The following LANCL2 variants were observed in gnomAD, a reference collection of about 807,000 sequenced individuals.
The protein encoded by LANCL2 is lanC-like protein 2.
LANCL2 carries 33 observed loss-of-function variants against 56.9 expected under a neutral mutation model. That is an observed-to-expected ratio of 0.58 (90% CI 0.44 to 0.78). The LOEUF is 0.78. Ranked by LOEUF, LANCL2 falls within the 30% of genes least tolerant of loss-of-function variation. The pLI is 0.00. For missense variants in LANCL2, 562 were observed against 580.2 expected (o/e 0.97, Z 0.32); for synonymous variants, 233 against 228.2 (o/e 1.02, Z -0.19).
intron 5 of LANCL2, among the ~76,000 whole-genome samples, chr7:55,406,104 C>T (rs902983028): frequency 2.0e-5 from 3 of 152,082 alleles, no homozygotes; most frequent in Admixed American, 1.3e-4. Flanking sequence ...TATGCCAAGC[C>T]AGGTGGCCGA....
chr7:55,393,398 G>A (rs772391379), intron 2 of LANCL2, among the ~76,000 whole-genome samples: 2 of 152,168 alleles, frequency 1.3e-5, no homozygotes, highest in Non-Finnish European at 2.9e-5. Flanking sequence ...TGGGCATAGT[G>A]GCATGGGCCT....
At chr7:55,369,408 G>A (rs1196242968) in intron 1 of LANCL2, among the ~76,000 whole-genome samples, 1 of 152,154 alleles carries the variant, frequency 6.6e-6, no homozygotes, top group African/African-American at 2.4e-5. Context: ...GGTGTGATCA[G>A]TCAATAAAAT....
chr7:55,386,634 G>A (rs539295618), intron 1 of LANCL2, among the ~76,000 whole-genome samples: 8 of 152,246 alleles, frequency 5.3e-5, no homozygotes, highest in Admixed American at 1.3e-4. Context: ...TAGCTTATCC[G>A]GCTTTTTTTT....
rs567212120 is a variant in LANCL2, at chr7:55,387,542, T to G, written c.205-4251T>G. On this transcript the variant is annotated intron_variant, in intron 1 of 8. Transcript: ENST00000254770. ...TATATGCTTCTGAGTTTTTTTTGGT[T>G]TTTTTTTTTTTTAGAAACTTTTATA... Among the ~76,000 whole-genome samples, 334 of 148,020 alleles carry G rather than the reference T, an allele frequency of 2.3e-3. 13 individuals carry two copies. Among genetic ancestry groups the G allele is most frequent in the Admixed American group, 0.022 (328 of 14,850 alleles).
chr7:55,394,069 T>C (rs755913514), intron 2 of LANCL2: 1 of 152,196 alleles, frequency 6.6e-6, no homozygotes, highest in African/African-American at 2.4e-5. Context: ...GAAACCACAG[T>C]TCTCAGCCTC....
At chr7:55,400,454 A>C (rs1790308650) in intron 4 of LANCL2, among the ~76,000 whole-genome samples, 1 of 152,208 alleles carries the variant, frequency 6.6e-6, no homozygotes, top group African/African-American at 2.4e-5. Flanking sequence ...TCCTAGGGGC[A>C]TACCCTTATT....
At position 55,381,317 on chromosome 7, in the gene LANCL2, C is replaced by T. The variant is rs181113607; in HGVS notation, c.205-10476C>T. Among the ~76,000 whole-genome samples the T allele has an allele frequency of 1.9e-4, 29 of 152,182 alleles. No individual in the cohort carries two copies. The East Asian group carries it at 5.6e-3, about 29-fold the overall frequency. ...TTGCCTATGGCAAAATCACATTTTC[C>T]GGGAACCAGAAATCTAAGATGGGAT... On this transcript the variant is annotated intron_variant, in intron 1 of 8. Transcript: ENST00000254770.
chr7:55,418,248 C>G (rs894446593), intron 6 of LANCL2, among the ~76,000 whole-genome samples: 4 of 149,982 alleles, frequency 2.7e-5, no homozygotes, highest in Non-Finnish European at 4.4e-5. Context: ...GTGGTGTGAT[C>G]ACGGCTCACT....
intron 1 of LANCL2, among the ~76,000 whole-genome samples, chr7:55,391,285 T>A (rs551753033): frequency 6.6e-6 from 1 of 152,304 alleles, no homozygotes; most frequent in South Asian, 2.1e-4. Context: ...CCCAAAGTGC[T>A]GGGATTACAG....
intron 5 of LANCL2, 118 bp downstream of exon 5, chr7:55,401,438 C>G: frequency 3.2e-6 from 2 of 628,548 alleles, no homozygotes; most frequent in Non-Finnish European, 4.9e-6. Flanking sequence ...ATCGCTGATG[C>G]GTAACTCTGC....
chr7:55,373,958 T>C (rs1789973600), intron 1 of LANCL2, among the ~76,000 whole-genome samples: 1 of 152,250 alleles, frequency 6.6e-6, no homozygotes. Context: ...GAGTTTCTTT[T>C]TCAGAAAATG....
Position 55,401,168 on chromosome 7 carries a change from CTG to C in LANCL2, c.679-4_679-3del. On this transcript the variant is annotated splice_polypyrimidine_tract_variant and splice_region_variant and intron_variant, in intron 4 of 8. Transcript: ENST00000254770. Reference sequence around the variant, plus strand: ...TTAGATTTATGCTGTCTTGTTATCTCTGTAGGTAGTCAATGCTATTATTGAAT... The same window carrying C: ...TTAGATTTATGCTGTCTTGTTATCTCTAGGTAGTCAATGCTATTATTGAAT... 6.2e-7 allele frequency: 1 copy of C among 1,613,440 alleles called. No homozygotes were observed. Among genetic ancestry groups the C allele is most frequent in the Non-Finnish European group, 8.5e-7 (1 of 1,179,512 alleles).
intron 1 of LANCL2, among the ~76,000 whole-genome samples, chr7:55,375,204 GTTAA>G (rs1789987451): frequency 6.6e-6 from 1 of 152,142 alleles, no homozygotes; most frequent in Non-Finnish European, 1.5e-5. Context: ...TTTTTTACAA[GTTAA>G]TTGTCAAATC....
At chr7:55,419,554 A>G (rs1279676618) in intron 6 of LANCL2, among the ~76,000 whole-genome samples, 1 of 151,816 alleles carries the variant, frequency 6.6e-6, no homozygotes, top group African/African-American at 2.4e-5. Context: ...GACACGAGGT[A>G]CCACGCCTGA....
chr7:55,413,792 C>G (rs183636570), intron 6 of LANCL2, among the ~76,000 whole-genome samples: 124 of 152,356 alleles, frequency 8.1e-4, no homozygotes, highest in Non-Finnish European at 1.2e-4. Flanking sequence ...AGATCCCATA[C>G]TTAGTCTTTA....
chr7:55,429,093 T>A (rs1284227124), intron 8 of LANCL2, among the ~76,000 whole-genome samples: 1 of 152,234 alleles, frequency 6.6e-6, no homozygotes, highest in African/African-American at 2.4e-5. Flanking sequence ...TTTTTGCATC[T>A]CTATTCATGA....
rs142876269 is a variant in LANCL2 at position 55,390,284 on chromosome 7, A to G, written c.205-1509A>G. 4.6e-3 allele frequency among the ~76,000 whole-genome samples: 694 copies of G among 152,352 alleles called. 4 individuals are homozygous for G. The highest frequency in any genetic ancestry group is 0.02 in the Middle Eastern group (6 of 294). On this transcript the variant is annotated intron_variant, in intron 1 of 8. Transcript: ENST00000254770. Reference sequence around the variant, plus strand: ...CATAGTCATAAGGGGAAACCTCCCAATTAATAGAGCAAGTAGATTTATAAA... The same window carrying G: ...CATAGTCATAAGGGGAAACCTCCCAGTTAATAGAGCAAGTAGATTTATAAA...
In LANCL2 at chr7:55,425,237, GT is replaced by G. The variant is rs1336082651; in HGVS notation, c.1009-12del. The G allele has an allele frequency of 1.2e-6, 2 of 1,610,148 alleles. No homozygotes were observed. Among genetic ancestry groups the G allele is most frequent in the African/African-American group, 2.7e-5 (2 of 74,792 alleles). On this transcript the variant is annotated splice_polypyrimidine_tract_variant and intron_variant, in intron 6 of 8. Coordinates refer to ENST00000254770, the MANE Select transcript of LANCL2 (RefSeq NM_018697.4). ...GAAACTGTCTTTTTAACACTGCTTTGTTTTTAATTTGCCCAGGTCTTTAAGG... is the reference window on the plus strand; with the variant it reads ...GAAACTGTCTTTTTAACACTGCTTTGTTTTAATTTGCCCAGGTCTTTAAGG...
chr7:55,428,597 T>A (rs41298770), intron 8 of LANCL2, 150 bp downstream of exon 8: 26,102 of 665,224 alleles, frequency 0.039, 755 homozygotes, highest in Non-Finnish European at 0.055. Context: ...CTGAAAATTA[T>A]GTTGAATCTC....
Sources: gnomAD v4.1 joint callset for allele counts (sites outside exome capture counted in the v4.1 genomes callset) on GRCh38, gnomAD v4.1.1 for gene constraint, MANE v1.5 for transcripts, NCBI Gene and HGNC (gene_info 2026-07-23, HGNC 2026-07-21) for gene names.